The following DAB1 variants were observed in gnomAD, a reference collection of about 807,000 sequenced individuals.
DAB1 encodes DAB adaptor protein 1, also known as disabled homolog 1.
DAB1 carries 15 observed loss-of-function variants against 64.6 expected under a neutral mutation model. The ratio of observed to expected loss-of-function variants is 0.23; its 90% CI spans 0.16 to 0.36. The LOEUF is 0.36. Ranked by LOEUF, DAB1 falls within the 10% of genes least tolerant of loss-of-function variation. The probability of loss-of-function intolerance (pLI) is 1.00; values close to 1 mark genes in which losing one functional copy is unlikely to be tolerated. For missense variants in DAB1, 596 were observed against 706.7 expected, an observed-to-expected ratio of 0.84 and a Z score of 1.78; for synonymous variants, 235 against 251.9, an observed-to-expected ratio of 0.93 and a Z score of 0.64.
intron 1 of DAB1, among the ~76,000 whole-genome samples, chr1:57,328,526 A>C (rs1676376180): frequency 6.6e-6 from 1 of 152,206 alleles, no homozygotes; most frequent in African/African-American, 2.4e-5. Flanking sequence ...GTAGGGAAGC[A>C]CGTTTTATAT....
chr1:57,497,143 C>T (rs1219826445), intron 7 of DAB1, among the ~76,000 whole-genome samples: 2 of 152,212 alleles, frequency 1.3e-5, no homozygotes, highest in African/African-American at 4.8e-5. Flanking sequence ...CTTTCTCTAT[C>T]CAAAATAGCC....
intron 6 of DAB1, among the ~76,000 whole-genome samples, chr1:57,684,417 G>A (rs1646670994): frequency 6.6e-6 from 1 of 152,078 alleles, no homozygotes; most frequent in Non-Finnish European, 1.5e-5. Flanking sequence ...TATCAGGCTG[G>A]CAGCACAACT....
At chr1:58,268,848 T>C (rs1403552367) in intron 4 of DAB1, among the ~76,000 whole-genome samples, 1 of 152,208 alleles carries the variant, frequency 6.6e-6, no homozygotes, top group East Asian at 1.9e-4. Context: ...TTCATACTTC[T>C]TGATTTCAAT....
intron 1 of DAB1, among the ~76,000 whole-genome samples, chr1:57,827,782 C>T (rs770340814): frequency 2.6e-5 from 4 of 152,140 alleles, no homozygotes; most frequent in Non-Finnish European, 5.9e-5. Flanking sequence ...ATCACAAAGG[C>T]GGCACTGGGA....
intron 7 of DAB1, among the ~76,000 whole-genome samples, chr1:57,501,067 T>G (rs1392075396): frequency 6.6e-6 from 1 of 152,244 alleles, no homozygotes; most frequent in African/African-American, 2.4e-5. Flanking sequence ...TTGATGCTCT[T>G]GCTGTCCTGA....
chr1:57,363,477 G>A (rs567310590), intron 1 of DAB1, among the ~76,000 whole-genome samples: 2 of 151,536 alleles, frequency 1.3e-5, no homozygotes, highest in Non-Finnish European at 2.9e-5. Flanking sequence ...GGAGCAGGTG[G>A]GCCAACTGTG....
At chr1:57,947,638 C>T (rs1305182644) in intron 5 of DAB1, among the ~76,000 whole-genome samples, 1 of 151,736 alleles carries the variant, frequency 6.6e-6, no homozygotes, top group African/African-American at 2.4e-5. Context: ...ATCTGACTCA[C>T]GTTCGATGCA....
At position 57,984,184 on chromosome 1, in the gene DAB1, AAAAGAAAGAAAGAAAGAAAG is replaced by A. The variant is rs557402048; in HGVS notation, n.388-100042_388-100023del. 4.1e-3 allele frequency among the ~76,000 whole-genome samples: 207 copies of A among 50,706 alleles called. 2 individuals carry two copies. Among genetic ancestry groups the A allele is most frequent in the South Asian group, 9.4e-3 (13 of 1,388 alleles). The allele number at this position is 50,706 out of a possible 152,430, so 33.3% of individuals were successfully genotyped here. A position where few individuals can be genotyped will look rare whatever the true frequency, so the allele number is the denominator to read the frequency against. On this transcript the variant is annotated intron_variant and non_coding_transcript_variant, in intron 5 of 20. Transcript: ENST00000485760. ...TTCAGGGCCCAGGACTAGCTTAAAA[AAAAGAAAGAAAGAAAGAAAG>A]AAAGAAAGAAAGAAAGAAAGAAAGA...
At chr1:58,150,360 C>A (rs945976564) in intron 5 of DAB1, among the ~76,000 whole-genome samples, 4 of 152,188 alleles carry the variant, frequency 2.6e-5, no homozygotes, top group Non-Finnish European at 5.9e-5. Context: ...TTTAAATAAG[C>A]ATCTCCTTTG....
intron 1 of DAB1, among the ~76,000 whole-genome samples, chr1:57,826,701 C>T (rs1279468056): frequency 6.6e-6 from 1 of 152,154 alleles, no homozygotes; most frequent in Non-Finnish European, 1.5e-5. Context: ...CATTCTGCAG[C>T]CAGCAAGAGA....
Position 57,914,965 on chromosome 1 carries a change from T to G in DAB1, n.388-30803A>C, listed in dbSNP as rs144851174. Among the ~76,000 whole-genome samples the G allele has an allele frequency of 2.3e-3, 346 of 152,232 alleles. 4 individuals carry two copies. Among genetic ancestry groups the G allele is most frequent in the African/African-American group, 8.0e-3 (334 of 41,548 alleles). Reference sequence around the variant, plus strand: ...GTCTAGTATGAAAATTGCAGAAATTTGCAGTAATTTGAAAAATGTATCTTA... The same window carrying G: ...GTCTAGTATGAAAATTGCAGAAATTGGCAGTAATTTGAAAAATGTATCTTA... On this transcript the variant is annotated intron_variant and non_coding_transcript_variant, in intron 5 of 20. Transcript: ENST00000485760.
At chr1:57,960,030 A>T (rs1000408714) in intron 5 of DAB1, among the ~76,000 whole-genome samples, 2 of 152,184 alleles carry the variant, frequency 1.3e-5, no homozygotes, top group Non-Finnish European at 2.9e-5. Context: ...CTTATGCAGC[A>T]TCCTCAGATG....
At chr1:57,953,597 C>T (rs1645323138) in intron 5 of DAB1, among the ~76,000 whole-genome samples, 1 of 152,188 alleles carries the variant, frequency 6.6e-6, no homozygotes, top group Non-Finnish European at 1.5e-5. Flanking sequence ...TGGACATCCT[C>T]CGTTTGCCCT....
At position 57,710,333 on chromosome 1, in the gene DAB1, C is replaced by T. The variant is rs74603630; in HGVS notation, n.552-60668G>A. On this transcript the variant is annotated intron_variant and non_coding_transcript_variant, in intron 6 of 20. Coordinates refer to the DAB1 transcript ENST00000485760. ...TTTATTTGTTTAGAGTTTCATACTA[C>T]GGAATAGTATACAATAAAATCTCTA... is the stretch of plus-strand genomic sequence containing the variant. 6.3e-3 allele frequency among the ~76,000 whole-genome samples: 956 copies of T among 152,200 alleles called. 10 individuals carry two copies. The highest frequency in any genetic ancestry group is 0.022 in the African/African-American group (902 of 41,544).
In DAB1 at chr1:57,718,988, G is replaced by A. The variant is rs552774449; in HGVS notation, n.552-69323C>T. On this transcript the variant is annotated intron_variant and non_coding_transcript_variant, in intron 6 of 20. Transcript: ENST00000485760. Reference sequence around the variant, plus strand: ...GAAAAAAAAAAAGATGACACCTGTTGGCAGTTTAATGCTAATATGAATTCT... The same window carrying A: ...GAAAAAAAAAAAGATGACACCTGTTAGCAGTTTAATGCTAATATGAATTCT... Among the ~76,000 whole-genome samples, 5 of 151,934 alleles carry A rather than the reference G, an allele frequency of 3.3e-5. No individual in the cohort carries two copies. The East Asian group carries it at 7.7e-4, about 23-fold the overall frequency.
intron 5 of DAB1, among the ~76,000 whole-genome samples, chr1:57,968,435 T>A (rs1645720196): frequency 6.6e-6 from 1 of 152,152 alleles, no homozygotes; most frequent in Non-Finnish European, 1.5e-5. Flanking sequence ...TCTGAGAATT[T>A]GGATAAAAGA....
intron 4 of DAB1, among the ~76,000 whole-genome samples, chr1:58,313,535 G>A (rs1427987509): frequency 6.6e-6 from 1 of 152,148 alleles, no homozygotes; most frequent in Non-Finnish European, 1.5e-5. Flanking sequence ...GAAGCCAGAG[G>A]ATAAGACATT....
chr1:57,626,730 T>A (rs540425476), intron 7 of DAB1, among the ~76,000 whole-genome samples: 45 of 152,284 alleles, frequency 3.0e-4, no homozygotes, highest in African/African-American at 8.4e-4. Context: ...CAGATAGCCA[T>A]CTTTTCACTG....
rs183822245 is a variant in DAB1 at position 57,966,877 on chromosome 1, C to T, written n.388-82715G>A. Among the ~76,000 whole-genome samples, 11 of 152,172 alleles carry T rather than the reference C, an allele frequency of 7.2e-5. No individual in the cohort carries two copies. In the East Asian group the frequency reaches 1.9e-3, roughly 27 times the overall value. ...TTATTCATCTTGTGGTCATGATTTG[C>T]GTTTTCATATTGATTAGTGATGTTA... On this transcript the variant is annotated intron_variant and non_coding_transcript_variant, in intron 5 of 20. Transcript: ENST00000485760.
Sources: allele counts gnomAD v4.1 joint callset (sites outside exome capture counted in the v4.1 genomes callset), GRCh38; gene constraint gnomAD v4.1.1; transcripts MANE v1.5; gene names NCBI Gene and HGNC (gene_info 2026-07-23, HGNC 2026-07-21).